Variants in NKAIN1 observed in about 807,000 individuals in gnomAD.
The protein encoded by NKAIN1 is sodium/potassium-transporting ATPase subunit beta-1-interacting protein 1.
Under a neutral mutation model 31.6 loss-of-function variants are expected in NKAIN1, and 13 were observed. The ratio of observed to expected loss-of-function variants is 0.41; its 90% CI spans 0.27 to 0.65. NKAIN1 has a LOEUF of 0.65. NKAIN1 is among the 30% of genes least tolerant of loss of function. The pLI, the probability that NKAIN1 is intolerant of heterozygous loss-of-function variation, is 0.30. For missense variants in NKAIN1, 193 were observed against 262.2 expected, an observed-to-expected ratio of 0.74 and a Z score of 1.82; for synonymous variants, 104 against 109.0, an observed-to-expected ratio of 0.95 and a Z score of 0.28.
intron 1 of NKAIN1, among the ~76,000 whole-genome samples, chr1:31,209,172 C>T (rs377191577): frequency 6.6e-6 from 1 of 152,266 alleles, no homozygotes; most frequent in African/African-American, 2.4e-5. Flanking sequence ...GTCAGGAGAT[C>T]GTGACCAGCC....
At chr1:31,214,579 G>A (rs766224903) in intron 1 of NKAIN1, among the ~76,000 whole-genome samples, 9 of 152,178 alleles carry the variant, frequency 5.9e-5, no homozygotes, top group Admixed American at 1.3e-4. Flanking sequence ...TTGTGCATGC[G>A]TGTGTGTGCA....
chr1:31,220,225 C>T (rs1409857850), intron 1 of NKAIN1, among the ~76,000 whole-genome samples: 1 of 146,198 alleles, frequency 6.8e-6, no homozygotes, highest in African/African-American at 2.5e-5. Flanking sequence ...CCATGTTGGT[C>T]AGGCTGGTCT....
chr1:31,225,325 CTTTTTT>C (rs139451212), intron 1 of NKAIN1, among the ~76,000 whole-genome samples: 3 of 52,162 alleles, frequency 5.8e-5, no homozygotes, highest in African/African-American at 1.4e-4. Flanking sequence ...CATGCCCGGC[CTTTTTT>C]TTTTTTTTTT....
intron 1 of NKAIN1, among the ~76,000 whole-genome samples, chr1:31,210,826 G>A (rs1048575699): frequency 2.0e-5 from 3 of 152,184 alleles, no homozygotes; most frequent in Admixed American, 1.3e-4. Flanking sequence ...GGGAGGCTGG[G>A]CTCCATCAGC....
chr1:31,191,124 C>G (rs1281829560), intron 1 of NKAIN1, among the ~76,000 whole-genome samples: 4 of 152,194 alleles, frequency 2.6e-5, no homozygotes, highest in Non-Finnish European at 4.4e-5. Context: ...AACTCCATCT[C>G]TACTGAAAAT....
chr1:31,207,457 G>A (rs1645433699), intron 1 of NKAIN1, among the ~76,000 whole-genome samples: 1 of 152,170 alleles, frequency 6.6e-6, no homozygotes, highest in Non-Finnish European at 1.5e-5. Context: ...TGCAGACTCT[G>A]GGCCTGTGTT....
rs150378479 is a variant in NKAIN1 at position 31,197,265 on chromosome 1, G to C, written c.55-9078C>G. Reference sequence around the variant, plus strand: ...TAGCTGGGACTACAGGCACCCACCAGCACGCCCGGCTAATTTTTTGTATTT... The same window carrying C: ...TAGCTGGGACTACAGGCACCCACCACCACGCCCGGCTAATTTTTTGTATTT... On this transcript the variant is annotated intron_variant, in intron 1 of 6. Transcript: ENST00000373736. Among the ~76,000 whole-genome samples the C allele has an allele frequency of 4.2e-3, 634 of 150,618 alleles. 38 individuals are homozygous for C. The East Asian group carries it at 0.1, about 24-fold the overall frequency.
chr1:31,232,278 A>T (rs1645655695), intron 1 of NKAIN1, among the ~76,000 whole-genome samples: 1 of 147,166 alleles, frequency 6.8e-6, no homozygotes, highest in Non-Finnish European at 1.5e-5. Context: ...TTTAGTAGAG[A>T]CAGGGTTTCA....
intron 2 of NKAIN1, among the ~76,000 whole-genome samples, chr1:31,186,737 T>C (rs1221505497): frequency 2.0e-5 from 3 of 152,192 alleles, no homozygotes; most frequent in African/African-American, 7.2e-5. Flanking sequence ...TGTACTTGAA[T>C]GACACAGGTC....
intron 1 of NKAIN1, among the ~76,000 whole-genome samples, chr1:31,204,457 C>G (rs1443379940): frequency 1.3e-5 from 2 of 152,118 alleles, no homozygotes; most frequent in African/African-American, 2.4e-5. Context: ...CATGTTCCCA[C>G]GTCTAAACTA....
chr1:31,226,490 G>A (rs924060203), intron 1 of NKAIN1, among the ~76,000 whole-genome samples: 2 of 152,038 alleles, frequency 1.3e-5, no homozygotes, highest in Admixed American at 1.3e-4. Flanking sequence ...TGGGGATATC[G>A]GGGCTCCATG....
intron 5 of NKAIN1, among the ~76,000 whole-genome samples, chr1:31,182,271 A>T (rs960821408): frequency 6.6e-6 from 1 of 151,384 alleles, no homozygotes; most frequent in Non-Finnish European, 1.5e-5. Context: ...GAGCCTCTAA[A>T]CGGGACAAGA....
intron 4 of NKAIN1, 63 bp downstream of exon 4, chr1:31,183,754 C>A: frequency 6.5e-7 from 1 of 1,535,972 alleles, no homozygotes; most frequent in South Asian, 1.2e-5. Context: ...AACCCATCCC[C>A]TCAACCAGAG....
At chr1:31,183,090 A>G (rs1371467773) in intron 4 of NKAIN1, among the ~76,000 whole-genome samples, 1 of 152,098 alleles carries the variant, frequency 6.6e-6, no homozygotes, top group Non-Finnish European at 1.5e-5. Context: ...CCTGGGCTCA[A>G]GTGATCCTCC....
chr1:31,224,279 G>A (rs1252826979), intron 1 of NKAIN1, among the ~76,000 whole-genome samples: 1 of 152,188 alleles, frequency 6.6e-6, no homozygotes, highest in Non-Finnish European at 1.5e-5. Context: ...TGGAGCCAAG[G>A]AGTTCAGAGT....
At position 31,231,365 on chromosome 1, in the gene NKAIN1, G is replaced by A. The variant is rs575582109; in HGVS notation, c.54+8129C>T. On this transcript the variant is annotated intron_variant, in intron 1 of 6. Coordinates refer to ENST00000373736, the MANE Select transcript of NKAIN1 (RefSeq NM_024522.3). ...TTTTTTTTTTTTTTAATAGATGCAG[G>A]GTCTTGCCATGTTACCCAGGCTGGT... Among the ~76,000 whole-genome samples the A allele has an allele frequency of 7.8e-4, 114 of 145,670 alleles. 1 individual carries two copies. The highest frequency in any genetic ancestry group is 1.2e-4 in the Non-Finnish European group (8 of 67,056).
intron 2 of NKAIN1, among the ~76,000 whole-genome samples, chr1:31,186,701 C>T (rs1331047996): frequency 6.6e-6 from 1 of 152,172 alleles, no homozygotes; most frequent in East Asian, 1.9e-4. Context: ...CATCACTTTC[C>T]TCCCTCCCTT....
rs545956329 is a variant in NKAIN1, at chr1:31,231,643, G to C, written c.54+7851C>G. ...CCTCCTGGGTTCATGCCACTGTCCT[G>C]CCTCAGCCTCCCGAGTAGCTGGAAC... On this transcript the variant is annotated intron_variant, in intron 1 of 6. Transcript: ENST00000373736. 3.9e-5 allele frequency among the ~76,000 whole-genome samples: 6 copies of C among 152,194 alleles called. No individual in the cohort carries two copies. In the South Asian group the frequency reaches 1.2e-3, roughly 32 times the overall value.
intron 1 of NKAIN1, among the ~76,000 whole-genome samples, chr1:31,234,125 T>A (rs1266201158): frequency 1.3e-5 from 2 of 152,220 alleles, no homozygotes; most frequent in Non-Finnish European, 2.9e-5. Context: ...CAGTTTGGCT[T>A]CAGTCTGTTC....
Sources: gnomAD v4.1 joint callset for allele counts (sites outside exome capture counted in the v4.1 genomes callset) on GRCh38, gnomAD v4.1.1 for gene constraint, MANE v1.5 for transcripts, NCBI Gene and HGNC (gene_info 2026-07-23, HGNC 2026-07-21) for gene names.